The following ACACA variants were observed in gnomAD, a reference collection of about 807,000 sequenced individuals.
ACACA encodes the protein acetyl-CoA carboxylase 1.
Under a neutral mutation model 296.1 loss-of-function variants are expected in ACACA, and 103 were observed. The ratio of observed to expected loss-of-function variants is 0.35; its 90% CI spans 0.30 to 0.41. The LOEUF is 0.41. ACACA is among the 10% of genes least tolerant of loss of function. The probability of loss-of-function intolerance (pLI) is 1.00; values close to 1 mark genes in which losing one functional copy is unlikely to be tolerated. For synonymous variants in ACACA, 953 were observed against 1,038.6 expected, an observed-to-expected ratio of 0.92 and a Z score of 1.58; for missense variants, 1,554 against 2,989.7, an observed-to-expected ratio of 0.52 and a Z score of 11.20.
intron 41 of ACACA, among the ~76,000 whole-genome samples, chr17:37,171,508 T>C (rs1192874511): frequency 6.6e-6 from 1 of 152,194 alleles, no homozygotes; most frequent in African/African-American, 2.4e-5. Context: ...AGAACATTGA[T>C]ATCTGGCAAA....
intron 8 of ACACA, 193 bp from the exon 9 acceptor site, chr17:37,274,492 G>T (rs542037960): frequency 3.6e-4 from 229 of 628,754 alleles, no homozygotes; most frequent in Non-Finnish European, 4.4e-4. Context: ...GGCAACTTGG[G>T]TTCTTAACGC....
intron 3 of ACACA, among the ~76,000 whole-genome samples, chr17:37,300,376 A>G (rs1159785192): frequency 1.3e-5 from 2 of 152,168 alleles, no homozygotes; most frequent in African/African-American, 4.8e-5. Flanking sequence ...TATTCTGTGT[A>G]TTAGGAGAAA....
Position 37,188,312 on chromosome 17 carries a change from G to C in ACACA, c.4741C>G (p.Leu1581Val), listed in dbSNP as rs1416595005. The change falls in exon 39 of 56, where the codon CTA becomes GTA. Residue 1581 changes from leucine (L) to valine (V), a missense_variant. By Grantham distance (32) the Leu-to-Val change is conservative. Transcript: ENST00000616317. ...CTGGAGTCAGTCACTTCCTTGTATAGGCTGATATCCAAGTAATAGCCAGAC... is the reference window on the plus strand; with the variant it reads ...CTGGAGTCAGTCACTTCCTTGTATACGCTGATATCCAAGTAATAGCCAGAC... The part of the protein sequence containing the change: ...NESGYYLDIS[L>V]YKEVTDSRTA... 1.9e-6 allele frequency: 3 copies of C among 1,613,958 alleles called. No homozygotes were observed. Among genetic ancestry groups the C allele is most frequent in the Non-Finnish European group, 2.5e-6 (3 of 1,180,000 alleles).
chr17:37,157,598 C>T (rs1378549788), intron 42 of ACACA, among the ~76,000 whole-genome samples: 10 of 129,100 alleles, frequency 7.7e-5, no homozygotes, highest in Admixed American at 3.9e-4. Context: ...TGCAGTGGTG[C>T]GATCTTGACT....
intron 35 of ACACA, among the ~76,000 whole-genome samples, chr17:37,196,200 A>C (rs1182060618): frequency 1.3e-5 from 2 of 152,118 alleles, no homozygotes; most frequent in African/African-American, 2.4e-5. Flanking sequence ...GCTGAGAACT[A>C]ATTATATAGA....
chr17:37,099,479 G>GAGGT (rs2073195067), intron 52 of ACACA, among the ~76,000 whole-genome samples: 1 of 145,324 alleles, frequency 6.9e-6, no homozygotes, highest in Non-Finnish European at 1.6e-5. Flanking sequence ...ATGGAGGGCT[G>GAGGT]ATGGGAGGAG....
intron 25 of ACACA, among the ~76,000 whole-genome samples, chr17:37,229,564 AAGT>A (rs2079743420): frequency 6.6e-6 from 1 of 151,798 alleles, no homozygotes; most frequent in Non-Finnish European, 1.5e-5. Context: ...CGGCCTCCCA[AAGT>A]GCTGGGATTA....
chr17:37,325,742 T>A (rs2147174348), intron 3 of ACACA, among the ~76,000 whole-genome samples: 1 of 151,894 alleles, frequency 6.6e-6, no homozygotes, highest in East Asian at 2.0e-4. Context: ...GCTCGGCTAA[T>A]TTTGTATTTT....
At chr17:37,320,528 T>C (rs1042085942) in intron 3 of ACACA, among the ~76,000 whole-genome samples, 12 of 147,854 alleles carry the variant, frequency 8.1e-5, no homozygotes, top group African/African-American at 3.0e-4. Context: ...AAAAAGCATA[T>C]CTGTTACACC....
At chr17:37,179,525 A>AG in intron 40 of ACACA, 119 bp from the exon 41 acceptor site, 1 of 1,094,282 alleles carries the variant, frequency 9.1e-7, no homozygotes, top group Non-Finnish European at 1.4e-6. Flanking sequence ...GCAGAGTGTA[A>AG]ACATTAGACT....
intron 1 of ACACA, among the ~76,000 whole-genome samples, chr17:37,370,484 TAAA>T (rs772679026): frequency 3.9e-5 from 3 of 76,242 alleles, no homozygotes; most frequent in Non-Finnish European, 5.4e-5. Context: ...TAGTCTCTAC[TAAA>T]AAAAAAAAAA....
At chr17:37,147,981 C>A (rs757141683) in intron 45 of ACACA, among the ~76,000 whole-genome samples, 14 of 151,890 alleles carry the variant, frequency 9.2e-5, no homozygotes, top group Non-Finnish European at 1.9e-4. Flanking sequence ...TTGTAATATT[C>A]TTTGTATATA....
chr17:37,352,354 GA>G (rs2048945250), intron 1 of ACACA, among the ~76,000 whole-genome samples: 3 of 152,106 alleles, frequency 2.0e-5, no homozygotes, highest in Non-Finnish European at 4.4e-5. Flanking sequence ...TGTGAATTCA[GA>G]AAGTTCTAGG....
In ACACA at chr17:37,325,249, G is replaced by A. The variant is rs1000510973; in HGVS notation, c.338+4924C>T. ...GGCATGGTGGAGAGCACCTGTAATC[G>A]CAGCTACTTGGGAGGCTAAGGGAGG... On this transcript the variant is annotated intron_variant, in intron 3 of 55. Transcript: ENST00000616317. Among the ~76,000 whole-genome samples, 6 of 149,388 alleles carry A rather than the reference G, an allele frequency of 4.0e-5. No homozygotes were observed. The South Asian group carries it at 6.4e-4, about 16-fold the overall frequency.
chr17:37,088,945 T>C lies in ACACA; in HGVS notation c.7021A>G (p.Ile2341Val). ...TCCCCACGTTGGTCTCACCTGCGGA[T>C]TTGCTTGAGGACGTAGTCTCTGCTG... ...CISRDYVLKQ[I>V]RSLVQANPEV... The change falls in exon 55 of 56, where the codon ATC (isoleucine) becomes GTC (valine). Residue 2341 changes from isoleucine to valine, a missense_variant. Around this residue, in one of 16 missense-constraint regions of ACACA, gnomAD observed 553 missense variants for 1,043.6 expected, o/e 0.53. Transcript: ENST00000616317. 6.2e-7 allele frequency: 1 copy of C among 1,614,210 alleles called. No homozygotes were observed. The highest frequency in any genetic ancestry group is 8.5e-7 in the Non-Finnish European group (1 of 1,180,030).
intron 3 of ACACA, among the ~76,000 whole-genome samples, chr17:37,296,237 A>T (rs1368370374): frequency 6.7e-6 from 1 of 148,476 alleles, no homozygotes; most frequent in Non-Finnish European, 1.5e-5. Flanking sequence ...TCCAGGTCCT[A>T]CTCGCTTGCA....
chr17:37,305,897 T>G (rs1246377935), intron 3 of ACACA, among the ~76,000 whole-genome samples: 1 of 96,162 alleles, frequency 1.0e-5, no homozygotes, highest in African/African-American at 6.9e-5. Flanking sequence ...TAGCAGTTTT[T>G]TTTTTTGTTT....
At chr17:37,375,863 G>A (rs1769194361) in intron 1 of ACACA, 3 of 469,838 alleles carry the variant, frequency 6.4e-6, no homozygotes, top group Non-Finnish European at 1.1e-5. Context: ...CGGCAGCGAA[G>A]TCAGAAGAAG....
chr17:37,194,789 AT>A (rs1246275713), intron 35 of ACACA, among the ~76,000 whole-genome samples: 1 of 152,132 alleles, frequency 6.6e-6, no homozygotes, highest in East Asian at 1.9e-4. Flanking sequence ...TTTCCTTGGT[AT>A]TTTAACTGTA....
Sources: allele counts gnomAD v4.1 joint callset (sites outside exome capture counted in the v4.1 genomes callset), GRCh38; gene constraint gnomAD v4.1.1; regional missense constraint gnomAD v4.1.1; transcripts MANE v1.5; gene names NCBI Gene and HGNC (gene_info 2026-07-23, HGNC 2026-07-21).